The following CCDC171 variants were observed in gnomAD, a reference collection of about 807,000 sequenced individuals.
CCDC171 encodes coiled-coil domain-containing protein 171.
In CCDC171, 177 loss-of-function variants were observed where a neutral mutation model predicts 168.2. The ratio of observed to expected loss-of-function variants is 1.05; its 90% CI spans 0.93 to 1.19. The LOEUF (loss-of-function observed/expected upper bound fraction) is 1.19, where lower values mean the gene tolerates loss of function less well. CCDC171 is among the 50% of genes most tolerant of loss of function. CCDC171 has a pLI of 0.00. For missense variants in CCDC171, 1,991 were observed against 1,539.0 expected (o/e 1.29, Z -4.91); for synonymous variants, 687 against 540.8 (o/e 1.27, Z -3.75).
intron 11 of CCDC171, among the ~76,000 whole-genome samples, chr9:15,714,987 C>G (rs1158061635): frequency 6.6e-6 from 1 of 152,168 alleles, no homozygotes; most frequent in South Asian, 2.1e-4. Flanking sequence ...CACTTTGTCT[C>G]TGGAAGTTAA....
intron 24 of CCDC171, among the ~76,000 whole-genome samples, chr9:15,881,585 A>G (rs1034750895): frequency 1.3e-5 from 2 of 152,124 alleles, no homozygotes; most frequent in African/African-American, 4.8e-5. Context: ...CTATCACACC[A>G]TATATTTGTA....
the CCDC171 span, among the ~76,000 whole-genome samples, chr9:16,067,894 T>C: frequency 1.3e-5 from 2 of 152,150 alleles, no homozygotes; most frequent in African/African-American, 2.4e-5. Flanking sequence ...AGTCAGGTAG[T>C]GTGATGCCTC....
intron 2 of CCDC171, among the ~76,000 whole-genome samples, chr9:15,569,244 G>T (rs1180899845): frequency 6.6e-6 from 1 of 152,106 alleles, no homozygotes; most frequent in Non-Finnish European, 1.5e-5. Context: ...ACATTGTAGT[G>T]CAGTGGTTAA....
At chr9:15,830,381 GAAGA>G (rs1466533926) in intron 21 of CCDC171, among the ~76,000 whole-genome samples, 1 of 152,096 alleles carries the variant, frequency 6.6e-6, no homozygotes, top group Non-Finnish European at 1.5e-5. Flanking sequence ...TCCAGTTACA[GAAGA>G]AAGCAGGATA....
chr9:16,093,940 C>T, the CCDC171 span, among the ~76,000 whole-genome samples: 2 of 152,196 alleles, frequency 1.3e-5, no homozygotes, highest in African/African-American at 4.8e-5. Flanking sequence ...TCTATGGCCC[C>T]CCACTGAGTG....
At chr9:15,978,338 G>C (rs1831684363), downstream of CCDC171, among the ~76,000 whole-genome samples, 1 of 151,942 alleles carries the variant, frequency 6.6e-6, no homozygotes, top group African/African-American at 2.4e-5. Context: ...ACGAATGGTG[G>C]CGGTGTTCTT....
chr9:15,678,320 C>T (rs1306738990), intron 9 of CCDC171, among the ~76,000 whole-genome samples: 1 of 152,090 alleles, frequency 6.6e-6, no homozygotes, highest in African/African-American at 2.4e-5. Context: ...ATTTTCCATG[C>T]CACCACACTG....
At chr9:15,698,287 C>T (rs1020986718) in intron 11 of CCDC171, among the ~76,000 whole-genome samples, 102 of 151,872 alleles carry the variant, frequency 6.7e-4, no homozygotes, top group Admixed American at 4.6e-4. Flanking sequence ...TTTGGGAGGC[C>T]GAGGGGGGTG....
At chr9:15,831,053 T>A (rs2060210280) in intron 21 of CCDC171, among the ~76,000 whole-genome samples, 1 of 145,266 alleles carries the variant, frequency 6.9e-6, no homozygotes, top group Non-Finnish European at 1.5e-5. Flanking sequence ...CACTGCAAGC[T>A]CCACCTCCCA....
the CCDC171 span, among the ~76,000 whole-genome samples, chr9:16,080,907 G>A: frequency 2.0e-5 from 3 of 152,064 alleles, no homozygotes; most frequent in African/African-American, 7.2e-5. Flanking sequence ...GCTGATGTGG[G>A]GCATGTCTTT....
At chr9:15,906,349 G>A (rs981924421) in intron 24 of CCDC171, among the ~76,000 whole-genome samples, 2 of 152,104 alleles carry the variant, frequency 1.3e-5, no homozygotes, top group African/African-American at 4.8e-5. Context: ...TTCATCCCTG[G>A]GATGCAAAGC....
intron 7 of CCDC171, among the ~76,000 whole-genome samples, chr9:15,629,077 G>T (rs1010496483): frequency 1.1e-4 from 17 of 152,008 alleles, no homozygotes; most frequent in Admixed American, 9.2e-4. Flanking sequence ...CACAAAGATG[G>T]GGAAAAAACA....
intron 21 of CCDC171, among the ~76,000 whole-genome samples, chr9:15,810,744 G>A (rs2059315230): frequency 1.3e-5 from 2 of 152,308 alleles, no homozygotes; most frequent in South Asian, 4.1e-4. Flanking sequence ...GCGCTGCCCT[G>A]TGAGTGCTGC....
intron 18 of CCDC171, among the ~76,000 whole-genome samples, chr9:15,767,396 T>G (rs1439183049): frequency 1.3e-5 from 2 of 152,332 alleles, no homozygotes; most frequent in East Asian, 3.9e-4. Context: ...CTCTGACCTC[T>G]TCTTCTGTGT....
In CCDC171 at chr9:15,723,672, G is replaced by A; in HGVS notation, c.1426-9G>A. 1 of 1,587,736 alleles carries A rather than the reference G, an allele frequency of 6.3e-7. No individual in the cohort carries two copies. The highest frequency in any genetic ancestry group is 8.6e-7 in the Non-Finnish European group (1 of 1,164,682). On this transcript the variant is annotated splice_polypyrimidine_tract_variant and intron_variant, in intron 12 of 25. Transcript: ENST00000380701. ...CTTTCATCAGCTAAACAGCATGAAT[G>A]ATGTTAAGGAAAAGGCATGTAATGA...
intron 18 of CCDC171, among the ~76,000 whole-genome samples, chr9:15,768,299 A>G (rs1268857654): frequency 2.6e-5 from 4 of 152,212 alleles, no homozygotes. Context: ...ACCATCTGCC[A>G]AATAGTATCT....
At chr9:15,934,389 CA>C (rs71304892) in intron 25 of CCDC171, among the ~76,000 whole-genome samples, 35,742 of 113,742 alleles carry the variant, frequency 0.31, 4,617 homozygotes, top group East Asian at 0.55. Context: ...GACCCTGTCT[CA>C]AAAAAAAAAA....
intron 16 of CCDC171, among the ~76,000 whole-genome samples, chr9:15,738,731 G>C (rs1174562022): frequency 6.6e-6 from 1 of 152,046 alleles, no homozygotes; most frequent in Non-Finnish European, 1.5e-5. Context: ...TCTGAAAGTA[G>C]TTCCCTATGG....
At chr9:16,000,889 G>A (rs935421643) in intron 3 of CCDC171, among the ~76,000 whole-genome samples, 3 of 152,086 alleles carry the variant, frequency 2.0e-5, no homozygotes, top group East Asian at 1.9e-4. Flanking sequence ...ACTGGATCTC[G>A]CAGAGTTACA....
Sources: allele counts gnomAD v4.1 joint callset (sites outside exome capture counted in the v4.1 genomes callset), GRCh38; gene constraint gnomAD v4.1.1; transcripts MANE v1.5; gene names NCBI Gene and HGNC (gene_info 2026-07-23, HGNC 2026-07-21).